LSM8: variants seen among roughly 807,000 people sequenced by gnomAD.
LSM8 encodes LSM8 U6 small nuclear RNA associated.
LSM8 carries 14 observed loss-of-function variants against 15.0 expected under a neutral mutation model. That is an observed-to-expected ratio of 0.93 (90% CI 0.62 to 1.46). The LOEUF is 1.46. Ranked by LOEUF, LSM8 falls within the 40% of genes most tolerant of loss-of-function variation. LSM8 has a pLI of 0.00. For synonymous variants in LSM8, 50 were observed against 42.1 expected (o/e 1.19, Z -0.73); for missense variants, 90 against 115.4 (o/e 0.78, Z 1.01).
chr7:118,190,586 G>C (rs1298084993), intron 3 of LSM8: 1 of 151,880 alleles, frequency 6.6e-6, no homozygotes, highest in East Asian at 1.9e-4. Flanking sequence ...CCAGAGAGCT[G>C]GTTTTTAAAA....
intron 1 of LSM8, chr7:118,184,844 C>T (rs1176817735): frequency 6.6e-6 from 1 of 152,176 alleles, no homozygotes; most frequent in East Asian, 1.9e-4. Context: ...AGTCTTAGGA[C>T]AAAAACACTA....
rs982411260 is a variant in LSM8 at position 118,196,008 on chromosome 7, C to T, written c.*4006C>T. Among the ~76,000 whole-genome samples, 3 of 152,118 alleles carry T rather than the reference C, an allele frequency of 2.0e-5. No individual in the cohort carries two copies. Among genetic ancestry groups the T allele is most frequent in the African/African-American group, 7.2e-5 (3 of 41,426 alleles). On this transcript the variant is annotated 3_prime_UTR_variant, in exon 4 of 4. Coordinates refer to ENST00000249299, the MANE Select transcript of LSM8 (RefSeq NM_016200.5). ...CAGATGCTTTGATGTGATCTTCATTCCTCTGTATAGTGGGAAACCATGAGA... is the reference window on the plus strand; with the variant it reads ...CAGATGCTTTGATGTGATCTTCATTTCTCTGTATAGTGGGAAACCATGAGA...
In LSM8 at chr7:118,199,122, A is replaced by T. The variant is rs1809128078; in HGVS notation, c.*7120A>T. ...GATTTTCACCCTGCACACCTTTTCC[A>T]TTTACTGATTTTAATCTATATCCTC... On this transcript the variant is annotated 3_prime_UTR_variant, in exon 4 of 4. Coordinates refer to ENST00000249299, the MANE Select transcript of LSM8 (RefSeq NM_016200.5). Among the ~76,000 whole-genome samples, 8 of 152,094 alleles carry T rather than the reference A, an allele frequency of 5.3e-5. No homozygotes were observed.
In LSM8 at chr7:118,198,532, T is replaced by C. The variant is rs1398971555; in HGVS notation, c.*6530T>C. Among the ~76,000 whole-genome samples, 2 of 152,182 alleles carry C rather than the reference T, an allele frequency of 1.3e-5. No homozygotes were observed. The highest frequency in any genetic ancestry group is 2.9e-5 in the Non-Finnish European group (2 of 68,040). On this transcript the variant is annotated 3_prime_UTR_variant, in exon 4 of 4. Coordinates refer to ENST00000249299, the MANE Select transcript of LSM8 (RefSeq NM_016200.5). Reference sequence around the variant, plus strand: ...GAAGGCAATATATAAAAGCTTCCCATGCATGGCAAAGATGCATTTTCCTCT... The same window carrying C: ...GAAGGCAATATATAAAAGCTTCCCACGCATGGCAAAGATGCATTTTCCTCT...
In LSM8 at chr7:118,185,529, A is replaced by C; in HGVS notation, c.32-125A>C. 4 of 808,476 alleles carry C rather than the reference A, an allele frequency of 4.9e-6. No homozygotes were observed. In the South Asian group the frequency reaches 6.7e-5, roughly 14 times the overall value. The allele number at this position is 808,476 out of a possible 1,614,324, so 50.1% of individuals were successfully genotyped here. ...TTTAACGTTTTTATGTAGTGAACTT[A>C]GTGGCTGTGTTGAATACTTATACCT... On this transcript the variant is annotated intron_variant, in intron 1 of 3. Transcript: ENST00000249299.
In LSM8 at chr7:118,195,700, T is replaced by C. The variant is rs563349674; in HGVS notation, c.*3698T>C. Among the ~76,000 whole-genome samples the C allele has an allele frequency of 6.4e-4, 98 of 152,302 alleles. No homozygotes were observed. Among genetic ancestry groups the C allele is most frequent in the African/African-American group, 2.3e-3 (94 of 41,540 alleles). On this transcript the variant is annotated 3_prime_UTR_variant, in exon 4 of 4. Transcript: ENST00000249299. ...CTGTACTTGTATAGTCATTACCTCA[T>C]ATAGATTTAATTTTATTAAATTAAA... is the stretch of plus-strand genomic sequence containing the variant.
rs540465901 is a variant in LSM8 at position 118,191,563 on chromosome 7, A to G, written c.201-349A>G. On this transcript the variant is annotated intron_variant, in intron 3 of 3. Coordinates refer to ENST00000249299, the MANE Select transcript of LSM8 (RefSeq NM_016200.5). ...AATTTATTTTTAATACAGTCCTAGA[A>G]TTGAATTGAAATATGGTTTGGAAGT... 6.5e-5 allele frequency: 11 copies of G among 169,842 alleles called. No homozygotes were observed. In the East Asian group the frequency reaches 1.8e-3, roughly 27 times the overall value. 10.5% of individuals were successfully genotyped at this position (169,842 alleles called of 1,614,324 possible). A position where few individuals can be genotyped will look rare whatever the true frequency, so the allele number is the denominator to read the frequency against.
rs149490035 is a variant in LSM8 at position 118,200,802 on chromosome 7, C to T, written c.*8800C>T. Among the ~76,000 whole-genome samples the T allele has an allele frequency of 5.3e-5, 8 of 152,112 alleles. No individual in the cohort carries two copies. Among genetic ancestry groups the T allele is most frequent in the African/African-American group, 1.4e-4 (6 of 41,522 alleles). On this transcript the variant is annotated 3_prime_UTR_variant, in exon 4 of 4. Coordinates refer to ENST00000249299, the MANE Select transcript of LSM8 (RefSeq NM_016200.5). ...CAAGGCAATCAACATTTTAATGGAA[C>T]GAACTGAGGTTTGCAATTGCTAATG...
chr7:118,196,963 G>A lies in LSM8; in HGVS notation c.*4961G>A, dbSNP rs1229092680. ...AGGATGGTCTTGATCTCCTGACCTC[G>A]TGATCTGCCCACTTCGGCGTCCCAA... On this transcript the variant is annotated 3_prime_UTR_variant, in exon 4 of 4. Transcript: ENST00000249299. Among the ~76,000 whole-genome samples, 2 of 151,654 alleles carry A rather than the reference G, an allele frequency of 1.3e-5. No homozygotes were observed. Among genetic ancestry groups the A allele is most frequent in the Middle Eastern group, 3.4e-3 (1 of 294 alleles).
chr7:118,191,506 A>G (rs1373025214), intron 3 of LSM8: 1 of 154,014 alleles, frequency 6.5e-6, no homozygotes, highest in Admixed American at 6.5e-5. Flanking sequence ...TGATATTTTT[A>G]CTTGCTAATT....
rs1293460095 is a variant in LSM8, at chr7:118,197,474, T to C, written c.*5472T>C. On this transcript the variant is annotated 3_prime_UTR_variant, in exon 4 of 4. Coordinates refer to ENST00000249299, the MANE Select transcript of LSM8 (RefSeq NM_016200.5). ...TCAACAAAATGATTATAATAAATCATACTCTAGAAAACTCATTAACTGATA... is the reference window on the plus strand; with the variant it reads ...TCAACAAAATGATTATAATAAATCACACTCTAGAAAACTCATTAACTGATA... 1.3e-5 allele frequency among the ~76,000 whole-genome samples: 2 copies of C among 152,168 alleles called. No homozygotes were observed. The highest frequency in any genetic ancestry group is 2.9e-5 in the Non-Finnish European group (2 of 68,042).
Position 118,197,547 on chromosome 7 carries a change from TAAATG to T in LSM8, c.*5546_*5550del, listed in dbSNP as rs1170008946. Among the ~76,000 whole-genome samples, 1 of 152,182 alleles carries T rather than the reference TAAATG, an allele frequency of 6.6e-6. No homozygotes were observed. Among genetic ancestry groups the T allele is most frequent in the East Asian group, 1.9e-4 (1 of 5,202 alleles). ...CTATGGCTTATTTCACATTTTAAAA[TAAATG>T]CCCTGAAAGTGATCACAATGATAGT... is the stretch of plus-strand genomic sequence containing the variant. On this transcript the variant is annotated 3_prime_UTR_variant, in exon 4 of 4. Transcript: ENST00000249299.
chr7:118,188,474 A>C (rs1162306420), intron 3 of LSM8, 69 bp downstream of exon 3: 3 of 1,389,910 alleles, frequency 2.2e-6, no homozygotes, highest in African/African-American at 2.9e-5. Context: ...GGCTTTCCCC[A>C]AAATACCCTA....
In LSM8 at chr7:118,198,583, G is replaced by C. The variant is rs1363684194; in HGVS notation, c.*6581G>C. 1.3e-5 allele frequency among the ~76,000 whole-genome samples: 2 copies of C among 152,174 alleles called. No homozygotes were observed. Among genetic ancestry groups the C allele is most frequent in the Non-Finnish European group, 2.9e-5 (2 of 68,038 alleles). ...ATGCATAGCAATATGGGAGAGATTG[G>C]AGGAGAATCTTCATGGAAATGGATG... On this transcript the variant is annotated 3_prime_UTR_variant, in exon 4 of 4. Coordinates refer to ENST00000249299, the MANE Select transcript of LSM8 (RefSeq NM_016200.5).
intron 2 of LSM8, 131 bp downstream of exon 2, chr7:118,185,825 C>CT: frequency 1.3e-6 from 1 of 748,164 alleles, no homozygotes; most frequent in African/African-American, 1.8e-5. Flanking sequence ...TAATTCAGCT[C>CT]TTTATCACTT....
chr7:118,201,330 C>G lies in LSM8; in HGVS notation c.*9328C>G, dbSNP rs111400499. ...GCCATGGAGCATGTAGAGAGAGTCT[C>G]CTAGTTGATACCAACTCAGGAAAGC... On this transcript the variant is annotated 3_prime_UTR_variant, in exon 4 of 4. Coordinates refer to ENST00000249299, the MANE Select transcript of LSM8 (RefSeq NM_016200.5). Among the ~76,000 whole-genome samples, 511 of 152,066 alleles carry G rather than the reference C, an allele frequency of 3.4e-3. 2 individuals carry two copies. Among genetic ancestry groups the G allele is most frequent in the Middle Eastern group, 0.014 (4 of 294 alleles).
In LSM8 at chr7:118,201,532, T is replaced by C. The variant is rs574832222; in HGVS notation, c.*9530T>C. ...TAATGTACAACCAAGAATCTCAATA[T>C]TTATTATTTTGCATTAAATATCAGT... On this transcript the variant is annotated 3_prime_UTR_variant, in exon 4 of 4. Coordinates refer to ENST00000249299, the MANE Select transcript of LSM8 (RefSeq NM_016200.5). Among the ~76,000 whole-genome samples, 1 of 152,246 alleles carries C rather than the reference T, an allele frequency of 6.6e-6. No homozygotes were observed. The highest frequency in any genetic ancestry group is 1.5e-5 in the Non-Finnish European group (1 of 67,984).
Position 118,197,136 on chromosome 7 carries a change from TTC to T in LSM8, c.*5140_*5141del, listed in dbSNP as rs990215994. On this transcript the variant is annotated 3_prime_UTR_variant, in exon 4 of 4. Transcript: ENST00000249299. Reference sequence around the variant, plus strand: ...TGTCCCTACAAGGATATGATACGCTTTCTCTCTTCTCTTTAGGGTAATGTTCA... The same window carrying T: ...TGTCCCTACAAGGATATGATACGCTTTCTCTTCTCTTTAGGGTAATGTTCA... Among the ~76,000 whole-genome samples, 2 of 152,124 alleles carry T rather than the reference TTC, an allele frequency of 1.3e-5. No homozygotes were observed. Among genetic ancestry groups the T allele is most frequent in the Non-Finnish European group, 2.9e-5 (2 of 68,018 alleles).
chr7:118,194,080 C>T lies in LSM8; in HGVS notation c.*2078C>T, dbSNP rs1184873164. 1.3e-5 allele frequency among the ~76,000 whole-genome samples: 2 copies of T among 151,914 alleles called. No homozygotes were observed. The highest frequency in any genetic ancestry group is 4.8e-5 in the African/African-American group (2 of 41,376). On this transcript the variant is annotated 3_prime_UTR_variant, in exon 4 of 4. Coordinates refer to ENST00000249299, the MANE Select transcript of LSM8 (RefSeq NM_016200.5). ...ACATGGTGGACTGTTTTCTCACAAC[C>T]GATTAAAATTGGATTTATTTTTGCA...
Sources: allele counts gnomAD v4.1 joint callset (sites outside exome capture counted in the v4.1 genomes callset), GRCh38; gene constraint gnomAD v4.1.1; transcripts MANE v1.5; gene names NCBI Gene and HGNC (gene_info 2026-07-23, HGNC 2026-07-21).